RYR2: variants seen among roughly 807,000 people sequenced by gnomAD.
RYR2 encodes ryanodine receptor 2.
A neutral mutation model predicts 601.1 loss-of-function variants in RYR2; 227 were observed. That is an observed-to-expected ratio of 0.38 (90% CI 0.34 to 0.42). The LOEUF is 0.42. RYR2 is among the 10% of genes least tolerant of loss of function. RYR2 has a pLI of 1.00. For missense variants in RYR2, 4,646 were observed against 6,156.5 expected, an observed-to-expected ratio of 0.75 and a Z score of 8.21; for synonymous variants, 2,223 against 2,175.1, an observed-to-expected ratio of 1.02 and a Z score of -0.61.
intron 1 of RYR2, among the ~76,000 whole-genome samples, chr1:237,064,229 T>A (rs1663248952): frequency 6.6e-6 from 1 of 152,184 alleles, no homozygotes. Flanking sequence ...CTGACCTTTC[T>A]ACCAGTTCAT....
chr1:237,289,975 T>G (rs1455636399), intron 2 of RYR2, among the ~76,000 whole-genome samples: 1 of 152,218 alleles, frequency 6.6e-6, no homozygotes, highest in Non-Finnish European at 1.5e-5. Flanking sequence ...GAAAACAGTT[T>G]GTCAGTTCCT....
chr1:237,614,717 G>T lies in RYR2; in HGVS notation c.5589G>T (p.Thr1863=), dbSNP rs778971089. 8.7e-6 allele frequency: 14 copies of T among 1,613,882 alleles called. No individual in the cohort carries two copies. Among genetic ancestry groups the T allele is most frequent in the Admixed American group, 5.0e-5 (3 of 60,000 alleles). ...EAATPEEESD[T]LEKELSVDDA... The stretch of plus-strand genomic sequence containing the variant: ...CCACTCCGGAGGAGGAGAGTGACAC[G>T]CTGGAGAAAGAGCTCAGTGTGGACG... Residue 1863 remains threonine, a synonymous_variant, in exon 37 of 105, where the codon ACG becomes ACT. Transcript: ENST00000366574. The surrounding 1 kb of genome is among the most constrained non-coding windows in gnomAD (Gnocchi z 4.3).
chr1:237,186,051 G>T lies in RYR2; in HGVS notation c.49-84446G>T, dbSNP rs1343068590. Among the ~76,000 whole-genome samples, 4 of 152,156 alleles carry T rather than the reference G, an allele frequency of 2.6e-5. No homozygotes were observed. The East Asian group carries it at 7.7e-4, about 29-fold the overall frequency. ...AGGAGTCTGAGGGTTGTCCCTGCAG[G>T]CTCTCATGGGTCTACAACCTGGGAG... On this transcript the variant is annotated intron_variant, in intron 1 of 104. Coordinates refer to ENST00000366574, the MANE Select transcript of RYR2 (RefSeq NM_001035.3).
At chr1:237,331,625 C>T (rs1417099849) in intron 3 of RYR2, among the ~76,000 whole-genome samples, 1 of 151,948 alleles carries the variant, frequency 6.6e-6, no homozygotes, top group African/African-American at 2.4e-5. Flanking sequence ...GCCTCAGCCT[C>T]CTGAGTAGCT....
chr1:237,582,016 G>A (rs980595478), intron 29 of RYR2, among the ~76,000 whole-genome samples: 4 of 152,148 alleles, frequency 2.6e-5, no homozygotes, highest in Non-Finnish European at 5.9e-5. Context: ...TCAGTTCTAA[G>A]ATTCCAGAAA....
intron 3 of RYR2, among the ~76,000 whole-genome samples, chr1:237,350,592 A>T (rs1399344109): frequency 0.016 from 1,453 of 89,356 alleles, 64 homozygotes; most frequent in African/African-American, 0.062. Flanking sequence ...AAAAAAAAAA[A>T]AAAAAAAAAA....
chr1:237,759,896 A>AT, intron 83 of RYR2, 44 bp downstream of exon 83: 1 of 1,251,146 alleles, frequency 8.0e-7, no homozygotes, highest in South Asian at 1.3e-5. Flanking sequence ...CAGTGGTTGT[A>AT]TTTTTTCGAA....
At chr1:237,338,560 C>T (rs1572650584) in intron 3 of RYR2, among the ~76,000 whole-genome samples, 1 of 152,268 alleles carries the variant, frequency 6.6e-6, no homozygotes, top group East Asian at 1.9e-4. Flanking sequence ...GCCATGAATA[C>T]AAAATAGTGA....
At chr1:237,748,917 C>T (rs1486862051) in intron 80 of RYR2, among the ~76,000 whole-genome samples, 1 of 152,172 alleles carries the variant, frequency 6.6e-6, no homozygotes, top group Non-Finnish European at 1.5e-5. Flanking sequence ...ACTTACATAA[C>T]ATTTACATTG....
intron 4 of RYR2, among the ~76,000 whole-genome samples, chr1:237,360,004 G>A (rs1431790655): frequency 6.6e-6 from 1 of 152,146 alleles, no homozygotes; most frequent in African/African-American, 2.4e-5. Flanking sequence ...TCTTACACAT[G>A]TATTTTCTCT....
chr1:237,538,887 A>G (rs1366724508), intron 25 of RYR2, among the ~76,000 whole-genome samples: 1 of 152,238 alleles, frequency 6.6e-6, no homozygotes, highest in African/African-American at 2.4e-5. Context: ...AGAGGTGGTG[A>G]TTGAGAGCAA....
chr1:237,591,890 G>A (rs1215274114), intron 32 of RYR2, 37 bp downstream of exon 32: 5 of 1,439,604 alleles, frequency 3.5e-6, no homozygotes, highest in Non-Finnish European at 4.8e-6. Flanking sequence ...ATTTCTATCT[G>A]TCACTCATTA....
At chr1:237,144,575 A>G (rs1035692440) in intron 1 of RYR2, among the ~76,000 whole-genome samples, 1 of 152,254 alleles carries the variant, frequency 6.6e-6, no homozygotes, top group Admixed American at 6.5e-5. Context: ...TAATTTACAT[A>G]TATTTCAAAG....
chr1:237,123,867 C>T (rs1269252989), intron 1 of RYR2, among the ~76,000 whole-genome samples: 1 of 151,850 alleles, frequency 6.6e-6, no homozygotes, highest in Non-Finnish European at 1.5e-5. Context: ...CGGGGTTTCA[C>T]CTTGTTAGCC....
In RYR2 at chr1:237,833,117, C is replaced by G. The variant is rs528440938; in HGVS notation, c.*470C>G. ...AGTTGCGAAGGGAAATAGTGCCTTA[C>G]TATATGTGGGTTGAGCTATGCAGAA... On this transcript the variant is annotated 3_prime_UTR_variant, in exon 105 of 105. Transcript: ENST00000366574. 1 of 153,068 alleles carries G rather than the reference C, an allele frequency of 6.5e-6. No individual in the cohort carries two copies. Among genetic ancestry groups the G allele is most frequent in the South Asian group, 2.1e-4 (1 of 4,842 alleles). 9.5% of individuals were successfully genotyped at this position (153,068 alleles called of 1,614,324 possible).
intron 10 of RYR2, among the ~76,000 whole-genome samples, chr1:237,405,909 A>G (rs1052721910): frequency 1.1e-5 from 1 of 88,486 alleles, no homozygotes; most frequent in African/African-American, 3.3e-5. Flanking sequence ...AAACTTTCTT[A>G]ACTTTATCTC....
chr1:237,566,525 TC>T, intron 27 of RYR2, 41 bp from the exon 28 acceptor site: 1 of 1,579,628 alleles, frequency 6.3e-7, no homozygotes, highest in Non-Finnish European at 8.7e-7. Flanking sequence ...CTCTTTCACC[TC>T]CCCATCCAAT....
intron 3 of RYR2, among the ~76,000 whole-genome samples, chr1:237,340,660 A>G (rs1474474800): frequency 6.6e-6 from 1 of 152,230 alleles, no homozygotes; most frequent in Non-Finnish European, 1.5e-5. Context: ...CTATTGAAGA[A>G]CATCCTTGGT....
At chr1:237,779,898 G>A (rs901275562) in intron 88 of RYR2, among the ~76,000 whole-genome samples, 1 of 152,176 alleles carries the variant, frequency 6.6e-6, no homozygotes, top group Admixed American at 6.5e-5. Context: ...AGAGTCAGAG[G>A]AGTGAAAAGT....
Sources: gnomAD v4.1 joint callset for allele counts (sites outside exome capture counted in the v4.1 genomes callset) on GRCh38, gnomAD v4.1.1 for gene constraint, Gnocchi (gnomAD v3.1) non-coding constraint, MANE v1.5 for transcripts, NCBI Gene and HGNC (gene_info 2026-07-23, HGNC 2026-07-21) for gene names.